YBX3: variants seen among roughly 807,000 people sequenced by gnomAD.
The protein encoded by YBX3 is Y-box-binding protein 3.
Under a neutral mutation model 42.4 loss-of-function variants are expected in YBX3, and 29 were observed. That is an observed-to-expected ratio of 0.68 (90% confidence interval 0.51 to 0.93). The LOEUF is 0.93. YBX3 is among the 40% of genes least tolerant of loss of function. The probability of loss-of-function intolerance (pLI) is 0.00; values close to 1 mark genes in which losing one functional copy is unlikely to be tolerated. For missense variants in YBX3, 517 were observed against 527.5 expected (o/e 0.98, Z 0.19); for synonymous variants, 195 against 189.8 (o/e 1.03, Z -0.22).
intron 6 of YBX3, 39 bp from the exon 7 acceptor site, chr12:10,704,187 A>G (rs768765546): frequency 6.4e-7 from 1 of 1,568,664 alleles, no homozygotes; most frequent in Non-Finnish European, 8.8e-7. Context: ...GTGTCACAGC[A>G]CAGGGGATAA....
chr12:10,714,616 A>T (rs759169956), intron 4 of YBX3, among the ~76,000 whole-genome samples: 5 of 152,188 alleles, frequency 3.3e-5, no homozygotes, highest in Non-Finnish European at 5.9e-5. Flanking sequence ...AGAAAACAAA[A>T]TGATTAATAT....
At chr12:10,713,162 A>C in intron 5 of YBX3, 49 bp downstream of exon 5, 1 of 1,577,272 alleles carries the variant, frequency 6.3e-7, no homozygotes, top group Non-Finnish European at 8.6e-7. Context: ...ACTTAATTCC[A>C]TGCATGAACA....
intron 5 of YBX3, chr12:10,710,610 G>A: frequency 8.0e-7 from 1 of 1,257,844 alleles, no homozygotes; most frequent in South Asian, 1.3e-5. Flanking sequence ...CAGGGGGTCA[G>A]CGAGGTCAAA....
intron 5 of YBX3, 22 bp from the exon 6 acceptor site, chr12:10,710,136 G>C: frequency 6.2e-7 from 1 of 1,607,982 alleles, no homozygotes; most frequent in Non-Finnish European, 8.5e-7. Flanking sequence ...AAGAAACAGA[G>C]ATTCAGAAGA....
At chr12:10,707,287 G>A (rs1470748628) in intron 6 of YBX3, among the ~76,000 whole-genome samples, 1 of 151,988 alleles carries the variant, frequency 6.6e-6, no homozygotes, top group African/African-American at 2.4e-5. Context: ...CCACTTGTAC[G>A]TGAATTTAAT....
chr12:10,723,266 G>T lies in YBX3; in HGVS notation c.-155C>A. On this transcript the variant is annotated 5_prime_UTR_variant, in exon 1 of 10. Coordinates refer to ENST00000228251, the MANE Select transcript of YBX3 (RefSeq NM_003651.5). ...GCGGCCGAGGTGGGGTCGCGCGGCG[G>T]AGGCGGCTCGAGCTTCGTGCTGCGC... 8.9e-7 allele frequency: 1 copy of T among 1,129,758 alleles called. No homozygotes were observed. Among genetic ancestry groups the T allele is most frequent in the African/African-American group, 1.6e-5 (1 of 61,132 alleles). The allele number at this position is 1,129,758 out of a possible 1,614,324, so 70.0% of individuals were successfully genotyped here.
intron 6 of YBX3, among the ~76,000 whole-genome samples, chr12:10,705,301 G>A (rs1197265399): frequency 1.3e-5 from 2 of 152,118 alleles, no homozygotes; most frequent in East Asian, 3.8e-4. Context: ...CATCATGTTG[G>A]CCAGGATGGT....
rs543368666 is a variant in YBX3 at position 10,716,012 on chromosome 12, A to T, written c.361-229T>A. Reference sequence around the variant, plus strand: ...CTATTCATCTTGACAGGTGGATTAAACAGAACATGTTTTTTCTATAACTGC... The same window carrying T: ...CTATTCATCTTGACAGGTGGATTAATCAGAACATGTTTTTTCTATAACTGC... On this transcript the variant is annotated intron_variant, in intron 3 of 9. Transcript: ENST00000228251. The T allele has an allele frequency of 2.6e-4, 129 of 499,872 alleles. 1 individual carries two copies. The East Asian group carries it at 3.2e-3, about 13-fold the overall frequency. 31.0% of individuals were successfully genotyped at this position (499,872 alleles called of 1,614,324 possible).
At chr12:10,708,201 A>G (rs1367719866) in intron 6 of YBX3, among the ~76,000 whole-genome samples, 1 of 152,220 alleles carries the variant, frequency 6.6e-6, no homozygotes, top group Non-Finnish European at 1.5e-5. Context: ...GATTCTACTT[A>G]ATTTTCAAAT....
rs1398328700 is a variant in YBX3 at position 10,723,084 on chromosome 12, T to C, written c.28A>G (p.Thr10Ala). The C allele has an allele frequency of 8.3e-7, 1 of 1,203,574 alleles. No homozygotes were observed. The allele number at this position is 1,203,574 out of a possible 1,614,324, so 74.6% of individuals were successfully genotyped here. ...GCCTGCGGGAGGGTGGTGGTGGTGG[T>C]GGTGGTGGCCTCGCCCGCCTCACTC... MSEAGEATT[T>A]TTTTLPQAPT... The change falls in exon 1 of 10, where the codon ACC becomes GCC. Residue 10 changes from threonine (T) to alanine (A), a missense_variant. Physicochemically the swap from Thr to Ala is moderately conservative, Grantham distance 58 (BLOSUM62 0). Coordinates refer to ENST00000228251, the MANE Select transcript of YBX3 (RefSeq NM_003651.5).
rs777444749 is a variant in YBX3, at chr12:10,704,059, C to T, written c.870G>A (p.Arg290=). Residue 290 remains arginine, a synonymous_variant, in exon 7 of 10, where the codon AGG becomes AGA. Coordinates refer to ENST00000228251, the MANE Select transcript of YBX3 (RefSeq NM_003651.5). ...TGGAAAATGCGACATACCTACGGTA[C>T]CTTGGGCGGTAAGTTGGATTTCGAT... is the stretch of plus-strand genomic sequence containing the variant. ...PVHRNPTYRP[R]YRSRGPPRPR... is the part of the protein sequence containing the mutation. 10 of 1,614,152 alleles carry T rather than the reference C, an allele frequency of 6.2e-6. No homozygotes were observed. The highest frequency in any genetic ancestry group is 8.5e-6 in the Non-Finnish European group (10 of 1,180,022).
chr12:10,712,836 TA>T (rs1394559903), intron 5 of YBX3: 1 of 166,772 alleles, frequency 6.0e-6, no homozygotes, highest in Non-Finnish European at 1.3e-5. Flanking sequence ...TAGCCAAATA[TA>T]TCCTAACTGA....
chr12:10,708,190 T>C (rs543094489), intron 6 of YBX3, among the ~76,000 whole-genome samples: 1 of 152,342 alleles, frequency 6.6e-6, no homozygotes, highest in African/African-American at 2.4e-5. Context: ...GCTCAGTGAA[T>C]GATTCTACTT....
intron 1 of YBX3, among the ~76,000 whole-genome samples, chr12:10,719,986 A>C (rs978662796): frequency 6.6e-6 from 1 of 152,194 alleles, no homozygotes; most frequent in Admixed American, 6.5e-5. Flanking sequence ...CAACTATTTC[A>C]AATATGATCT....
chr12:10,719,497 T>C (rs1948301229), intron 1 of YBX3, among the ~76,000 whole-genome samples: 2 of 152,116 alleles, frequency 1.3e-5, no homozygotes, highest in Non-Finnish European at 2.9e-5. Context: ...TTTTATAAGT[T>C]CAAAATAGGA....
chr12:10,721,945 C>T (rs1341770692), intron 1 of YBX3: 1 of 152,224 alleles, frequency 6.6e-6, no homozygotes, highest in Admixed American at 6.5e-5. Flanking sequence ...TGTGACTAAA[C>T]CAACAACCAT....
intron 5 of YBX3, chr12:10,711,308 A>C (rs979002038): frequency 1.3e-5 from 2 of 152,196 alleles, no homozygotes; most frequent in African/African-American, 4.8e-5. Context: ...ATAAATAAAA[A>C]AAGCAAAATA....
chr12:10,722,244 C>T (rs1246428048), intron 1 of YBX3: 1 of 152,320 alleles, frequency 6.6e-6, no homozygotes, highest in African/African-American at 2.4e-5. Flanking sequence ...TGCAACATCT[C>T]TTTGCTGGCA....
chr12:10,720,389 A>G (rs139664730), intron 1 of YBX3, among the ~76,000 whole-genome samples: 160 of 152,222 alleles, frequency 1.1e-3, no homozygotes, highest in African/African-American at 3.7e-3. Flanking sequence ...ACATGTCTTT[A>G]TATCTCCAAA....
Sources: allele counts gnomAD v4.1 joint callset (sites outside exome capture counted in the v4.1 genomes callset), GRCh38; gene constraint gnomAD v4.1.1; transcripts MANE v1.5; gene names NCBI Gene and HGNC (gene_info 2026-07-23, HGNC 2026-07-21).